Variants in ATP2C2 observed in about 807,000 individuals in gnomAD.
ATP2C2 encodes ATPase secretory pathway Ca2+ transporting 2.
In ATP2C2, 171 loss-of-function variants were observed where a neutral mutation model predicts 110.8. That is an observed-to-expected ratio of 1.54 (90% CI 1.36 to 1.75). ATP2C2 has a LOEUF of 1.75. ATP2C2 is among the 40% of genes most tolerant of loss of function. The probability of loss-of-function intolerance (pLI) is 0.00; values close to 1 mark genes in which losing one functional copy is unlikely to be tolerated. For missense variants in ATP2C2, 1,963 were observed against 1,235.0 expected (o/e 1.59, Z -8.84); for synonymous variants, 804 against 508.4 (o/e 1.58, Z -7.82).
chr16:84,406,630 G>A (rs926860406), intron 3 of ATP2C2: 199 of 985,372 alleles, frequency 2.0e-4, no homozygotes, highest in Non-Finnish European at 2.3e-4. Context: ...ATGCGTTTTG[G>A]CAGCAAAATA....
At chr16:84,452,736 G>C (rs1056603064) in intron 18 of ATP2C2, among the ~76,000 whole-genome samples, 2 of 152,080 alleles carry the variant, frequency 1.3e-5, no homozygotes, top group Non-Finnish European at 2.9e-5. Flanking sequence ...TGAACTCAGG[G>C]AATCTGCCCA....
intron 1 of ATP2C2, among the ~76,000 whole-genome samples, chr16:84,394,701 C>G (rs1035181162): frequency 6.6e-5 from 10 of 152,236 alleles, no homozygotes; most frequent in Admixed American, 5.2e-4. Context: ...GGCCAGCAAT[C>G]CCCAGCATTC....
At chr16:84,425,882 G>A in intron 11 of ATP2C2, 81 bp downstream of exon 11, 2 of 1,527,266 alleles carry the variant, frequency 1.3e-6, no homozygotes, top group Non-Finnish European at 1.8e-6. Flanking sequence ...GAGAAGGTGG[G>A]GAGGCTGCAG....
chr16:84,371,984 G>A (rs1285627681), intron 1 of ATP2C2, among the ~76,000 whole-genome samples: 1 of 152,194 alleles, frequency 6.6e-6, no homozygotes, highest in Non-Finnish European at 1.5e-5. Context: ...GTCAGAGCTG[G>A]GAGAAAGACG....
rs565693910 is a variant in ATP2C2, at chr16:84,440,987, T to C, written c.1311+29T>C. The C allele has an allele frequency of 1.5e-5, 22 of 1,516,274 alleles. No homozygotes were observed. In the Middle Eastern group the frequency reaches 8.5e-4, roughly 59 times the overall value. 93.9% of individuals were successfully genotyped at this position (1,516,274 alleles called of 1,614,324 possible). A position where few individuals can be genotyped will look rare whatever the true frequency, so the allele number is the denominator to read the frequency against. On this transcript the variant is annotated intron_variant, in intron 14 of 26. Coordinates refer to ENST00000262429, the MANE Select transcript of ATP2C2 (RefSeq NM_014861.4). ...GGTGTCAAAAGCGCCATGAGGGAAA[T>C]AGGCATTTACATTGAGGCTTCTGGG... is the stretch of plus-strand genomic sequence containing the variant.
chr16:84,399,984 A>C (rs1490353858), intron 2 of ATP2C2, among the ~76,000 whole-genome samples: 2 of 151,928 alleles, frequency 1.3e-5, no homozygotes, highest in Non-Finnish European at 2.9e-5. Context: ...TTTAGCTTCC[A>C]CTAATCAGCG....
intron 1 of ATP2C2, 73 bp downstream of exon 1, chr16:84,368,787 C>T (rs577340770): frequency 6.4e-6 from 8 of 1,257,864 alleles, no homozygotes; most frequent in Non-Finnish European, 8.6e-6. Context: ...GTCCCCGGCC[C>T]GAGACCCCGC....
intron 1 of ATP2C2, among the ~76,000 whole-genome samples, chr16:84,378,367 A>G (rs719598): frequency 0.55 from 83,398 of 151,936 alleles, 23,040 homozygotes; most frequent in South Asian, 0.62. Context: ...ATCTCTCCAC[A>G]TTCATGTGTC....
At chr16:84,392,453 A>G (rs1375801980) in intron 1 of ATP2C2, among the ~76,000 whole-genome samples, 4 of 152,020 alleles carry the variant, frequency 2.6e-5, no homozygotes, top group Non-Finnish European at 4.4e-5. Context: ...CTGCGTCTGC[A>G]CGTTTCATCC....
In ATP2C2 at chr16:84,422,427, G is replaced by C. The variant is rs764145528; in HGVS notation, c.662G>C (p.Gly221Ala). The C allele has an allele frequency of 6.2e-7, 1 of 1,614,088 alleles. No individual in the cohort carries two copies. The highest frequency in any genetic ancestry group is 8.5e-7 in the Non-Finnish European group (1 of 1,179,994). ...TTGGTGGATGAATCCAGTTTCACCG[G>C]GGAAGCCGAGCCATGTAGTAAAACA... is the stretch of plus-strand genomic sequence containing the variant. ...DLLVDESSFT[G>A]EAEPCSKTDS... is the part of the protein sequence containing the mutation. Residue 221 changes from glycine to alanine, a missense_variant, in exon 8 of 27, where the codon GGG (glycine) becomes GCG (alanine). Physicochemically the swap from Gly to Ala is moderately conservative, Grantham distance 60. Transcript: ENST00000262429.
intron 23 of ATP2C2, chr16:84,459,644 C>A (rs927130664): frequency 1.4e-6 from 2 of 1,436,534 alleles, no homozygotes; most frequent in East Asian, 2.5e-5. Flanking sequence ...TCTGGGCAAC[C>A]TGCATGGCTC....
intron 23 of ATP2C2, chr16:84,459,786 A>C: frequency 5.5e-6 from 3 of 545,298 alleles, no homozygotes; most frequent in Non-Finnish European, 9.9e-6. Context: ...ACTTTTCCTT[A>C]TGGATCTGAT....
At chr16:84,419,843 C>T (rs1438558881) in intron 7 of ATP2C2, among the ~76,000 whole-genome samples, 1 of 152,134 alleles carries the variant, frequency 6.6e-6, no homozygotes, top group Non-Finnish European at 1.5e-5. Context: ...AGTACTGTTC[C>T]AGGACTGCTA....
intron 1 of ATP2C2, among the ~76,000 whole-genome samples, chr16:84,380,373 C>T (rs569207838): frequency 1.3e-5 from 2 of 152,060 alleles, no homozygotes; most frequent in Admixed American, 1.3e-4. Flanking sequence ...TCCCTTTTTC[C>T]TTCCTTCTTT....
chr16:84,420,678 T>C (rs1400922309), intron 7 of ATP2C2, among the ~76,000 whole-genome samples: 1 of 152,126 alleles, frequency 6.6e-6, no homozygotes, highest in Non-Finnish European at 1.5e-5. Flanking sequence ...CAGATCCCCA[T>C]AGATTTCCCT....
chr16:84,378,146 G>A (rs747606581), intron 1 of ATP2C2, among the ~76,000 whole-genome samples: 6 of 152,164 alleles, frequency 3.9e-5, no homozygotes, highest in South Asian at 2.1e-4. Flanking sequence ...AACCAAGGAC[G>A]CCAACTCCCA....
intron 1 of ATP2C2, among the ~76,000 whole-genome samples, chr16:84,398,015 T>A (rs73243717): frequency 0.022 from 3,320 of 151,850 alleles, 144 homozygotes; most frequent in African/African-American, 0.068. Flanking sequence ...AGGGGACCAG[T>A]CATATCTGTT....
At chr16:84,440,805 G>A (rs1909177890) in intron 13 of ATP2C2, 52 bp from the exon 14 acceptor site, 16 of 1,414,184 alleles carry the variant, frequency 1.1e-5, no homozygotes, top group South Asian at 2.4e-5. Context: ...GCCAACTGGG[G>A]GAGCATGTTT....
At chr16:84,453,256 C>T (rs747400004) in intron 19 of ATP2C2, 21 bp downstream of exon 19, 2 of 1,613,970 alleles carry the variant, frequency 1.2e-6, no homozygotes, top group South Asian at 2.2e-5. Context: ...GGAGGCTTGG[C>T]TGGCAGTGGG....
Sources: allele counts gnomAD v4.1 joint callset (sites outside exome capture counted in the v4.1 genomes callset), GRCh38; gene constraint gnomAD v4.1.1; transcripts MANE v1.5; gene names NCBI Gene and HGNC (gene_info 2026-07-23, HGNC 2026-07-21).